Variants in SAMD5 observed in about 807,000 individuals in gnomAD.
The protein encoded by SAMD5 is sterile alpha motif domain-containing protein 5.
Under a neutral mutation model 11.3 loss-of-function variants are expected in SAMD5, and 13 were observed. The observed-to-expected ratio is 1.15, with a 90% CI of 0.75 to 1.83. The LOEUF (loss-of-function observed/expected upper bound fraction) is 1.83, where lower values mean the gene tolerates loss of function less well. Ranked by LOEUF, SAMD5 falls within the 40% of genes most tolerant of loss-of-function variation. The probability of loss-of-function intolerance (pLI) is 0.00; values close to 1 mark genes in which losing one functional copy is unlikely to be tolerated. For synonymous variants in SAMD5, 129 were observed against 111.3 expected, an observed-to-expected ratio of 1.16 and a Z score of -1.00; for missense variants, 255 against 239.1, an observed-to-expected ratio of 1.07 and a Z score of -0.44.
chr6:147,550,619 G>A (rs745323933), intron 1 of SAMD5, among the ~76,000 whole-genome samples: 3 of 152,124 alleles, frequency 2.0e-5, no homozygotes, highest in Admixed American at 6.5e-5. Flanking sequence ...AGATGGAACT[G>A]GAGGCCATTA....
At chr6:147,786,529 C>A in the SAMD5 span, among the ~76,000 whole-genome samples, 1 of 152,084 alleles carries the variant, frequency 6.6e-6, no homozygotes, top group Non-Finnish European at 1.5e-5. Context: ...AGTTAAGAGA[C>A]CTTGAAGCAA....
chr6:147,763,397 C>T, the SAMD5 span, among the ~76,000 whole-genome samples: 1 of 151,840 alleles, frequency 6.6e-6, no homozygotes, highest in East Asian at 1.9e-4. Flanking sequence ...CTCCTGACCT[C>T]GTGATCTGCC....
At chr6:147,878,641 A>C in the SAMD5 span, among the ~76,000 whole-genome samples, 6 of 148,400 alleles carry the variant, frequency 4.0e-5, no homozygotes, top group East Asian at 9.7e-4. Context: ...CTATATATTT[A>C]CAGAGATTTA....
chr6:147,523,107 C>T (rs1355870394), intron 1 of SAMD5, among the ~76,000 whole-genome samples: 1 of 152,058 alleles, frequency 6.6e-6, no homozygotes, highest in Non-Finnish European at 1.5e-5. Context: ...CCTTCCTGCT[C>T]CTACCCCACC....
intron 1 of SAMD5, among the ~76,000 whole-genome samples, chr6:147,510,896 A>G (rs1026739348): frequency 6.6e-6 from 1 of 152,206 alleles, no homozygotes; most frequent in Non-Finnish European, 1.5e-5. Context: ...AGTTGCCTGT[A>G]TGTAGGAGTT....
the SAMD5 span, among the ~76,000 whole-genome samples, chr6:147,891,866 AAG>A: frequency 6.6e-6 from 1 of 151,968 alleles, no homozygotes; most frequent in South Asian, 2.1e-4. Context: ...CTGGAAAAGA[AAG>A]AGCAGAGGCT....
At chr6:147,901,957 A>G in the SAMD5 span, among the ~76,000 whole-genome samples, 1,416 of 152,148 alleles carry the variant, frequency 9.3e-3, 20 homozygotes, top group African/African-American at 0.033. Context: ...ATGATACTTA[A>G]TGATATTCTT....
the SAMD5 span, among the ~76,000 whole-genome samples, chr6:147,759,315 G>A: frequency 6.6e-6 from 1 of 152,096 alleles, no homozygotes; most frequent in Admixed American, 6.6e-5. Context: ...TGTCTGCCTA[G>A]CTTTCTCAGG....
chr6:147,614,721 T>A (rs538272432), intron 1 of SAMD5, among the ~76,000 whole-genome samples: 1 of 151,958 alleles, frequency 6.6e-6, no homozygotes, highest in East Asian at 1.9e-4. Context: ...CAAGAGAACT[T>A]TCTGGAATGT....
intron 1 of SAMD5, among the ~76,000 whole-genome samples, chr6:147,601,709 G>A (rs981178636): frequency 2.0e-5 from 3 of 152,164 alleles, no homozygotes; most frequent in African/African-American, 7.2e-5. Flanking sequence ...TTAAGTGAAA[G>A]CATTATTTTT....
chr6:147,657,438 C>T (rs1376709256), intron 1 of SAMD5, among the ~76,000 whole-genome samples: 1 of 152,060 alleles, frequency 6.6e-6, no homozygotes, highest in Non-Finnish European at 1.5e-5. Context: ...CTTTCTAATA[C>T]TCCAGGACAA....
At chr6:147,933,730 AG>A in the SAMD5 span, among the ~76,000 whole-genome samples, 1 of 151,296 alleles carries the variant, frequency 6.6e-6, no homozygotes, top group African/African-American at 2.5e-5. Flanking sequence ...AAAAATAGCA[AG>A]GGCTGCTTAC....
the SAMD5 span, among the ~76,000 whole-genome samples, chr6:147,914,274 C>T: frequency 6.6e-6 from 1 of 151,714 alleles, no homozygotes; most frequent in African/African-American, 2.4e-5. Context: ...AGATTGCGCA[C>T]CCCTAGTGCT....
chr6:147,680,906 G>A (rs571739531), intron 1 of SAMD5, among the ~76,000 whole-genome samples: 15 of 152,148 alleles, frequency 9.9e-5, no homozygotes, highest in Non-Finnish European at 8.8e-5. Flanking sequence ...CTAAAGTTTC[G>A]TTACATAGTT....
chr6:147,860,229 G>A, the SAMD5 span, among the ~76,000 whole-genome samples: 1 of 152,158 alleles, frequency 6.6e-6, no homozygotes, highest in Non-Finnish European at 1.5e-5. Context: ...ACTGTCACAT[G>A]GCATTCTCCC....
chr6:147,576,901 A>G (rs898160140), intron 1 of SAMD5, among the ~76,000 whole-genome samples: 23 of 152,254 alleles, frequency 1.5e-4, no homozygotes, highest in African/African-American at 5.5e-4. Context: ...AAGGAGTATT[A>G]AATTGCCCTT....
the SAMD5 span, among the ~76,000 whole-genome samples, chr6:147,830,391 G>A: frequency 2.2e-3 from 329 of 151,104 alleles, 1 homozygote; most frequent in African/African-American, 7.5e-3. Context: ...TTAGTAGCTG[G>A]GATTACAGGT....
At chr6:147,684,194 TCAA>T (rs1200407067) in intron 1 of SAMD5, among the ~76,000 whole-genome samples, 2 of 152,294 alleles carry the variant, frequency 1.3e-5, no homozygotes, top group Admixed American at 6.5e-5. Flanking sequence ...AAAGTGGATT[TCAA>T]TGGTCTGTAT....
chr6:147,697,002 G>A (rs1791184894), intron 1 of SAMD5, among the ~76,000 whole-genome samples: 1 of 152,130 alleles, frequency 6.6e-6, no homozygotes, highest in South Asian at 2.1e-4. Flanking sequence ...TCAAGGTGTG[G>A]GCAGATCCCT....
Sources: gnomAD v4.1 joint callset for allele counts (sites outside exome capture counted in the v4.1 genomes callset) on GRCh38, gnomAD v4.1.1 for gene constraint, MANE v1.5 for transcripts, NCBI Gene and HGNC (gene_info 2026-07-23, HGNC 2026-07-21) for gene names.